The following ARHGAP4 variants were observed in gnomAD, a reference collection of about 807,000 sequenced individuals.
The protein encoded by ARHGAP4 is rho GTPase-activating protein 4.
A neutral mutation model predicts 67.6 loss-of-function variants in ARHGAP4; 25 were observed. The ratio of observed to expected loss-of-function variants is 0.37; its 90% CI spans 0.27 to 0.52. ARHGAP4 has a LOEUF of 0.52. ARHGAP4 is among the 20% of genes least tolerant of loss of function. The pLI, the probability that ARHGAP4 is intolerant of heterozygous loss-of-function variation, is 0.92. For missense variants in ARHGAP4, 804 were observed against 854.6 expected (o/e 0.94, Z 0.74); for synonymous variants, 448 against 373.7 (o/e 1.20, Z -2.29).
chrX:153,920,600 G>T, intron 5 of ARHGAP4, 26 bp downstream of exon 5: 1 of 1,178,905 alleles, frequency 8.5e-7, no homozygotes, highest in Non-Finnish European at 1.1e-6. Flanking sequence ...CCATAGGCCT[G>T]CGTCTGAGGT....
chrX:153,907,676 G>C lies in ARHGAP4; in HGVS notation c.*53C>G, dbSNP rs1204044082. 3.2e-6 allele frequency: 2 copies of C among 629,105 alleles called. No homozygotes were observed. The highest frequency in any genetic ancestry group is 4.5e-6 in the Non-Finnish European group (2 of 447,652). The allele number at this position is 629,105 out of a possible 1,213,427, so 51.8% of individuals were successfully genotyped here. ...GAGAGAAGCAAGGGGGCTGGGGAGA[G>C]TGGCCGGTCCAGCGGGTAGCCGCCG... On this transcript the variant is annotated 3_prime_UTR_variant, in exon 22 of 22. Coordinates refer to ENST00000350060, the MANE Select transcript of ARHGAP4 (RefSeq NM_001666.5).
Position 153,910,191 on chromosome X carries a change from C to T in ARHGAP4, c.2136G>A (p.Pro712=), listed in dbSNP as rs141995493. ...TGTACCCCAGGCAGCTGGCGGAAGGCGGTGCCATGCACTTCTCGTAGACGG... is the reference window on the plus strand; with the variant it reads ...TGTACCCCAGGCAGCTGGCGGAAGGTGGTGCCATGCACTTCTCGTAGACGG... ...PGPVYEKCMA[P]PSASCLGDAQ... The change falls in exon 17 of 22, where the codon CCG becomes CCA. Residue 712 remains proline (P), a synonymous_variant. Coordinates refer to ENST00000350060, the MANE Select transcript of ARHGAP4 (RefSeq NM_001666.5). The T allele has an allele frequency of 9.4e-5, 114 of 1,209,849 alleles. No individual in the cohort carries two copies. The highest frequency in any genetic ancestry group is 2.3e-4 in the Middle Eastern group (1 of 4,370).
Position 153,926,117 on chromosome X carries a change from G to C in ARHGAP4, c.67+19C>G. ...GTTCTCCGCAGGAAACGGGCCGGGA[G>C]CGCCCGGCGCCCTCTCACCTTTGAC... On this transcript the variant is annotated intron_variant, in intron 1 of 21. Coordinates refer to ENST00000350060, the MANE Select transcript of ARHGAP4 (RefSeq NM_001666.5). 1 of 1,202,633 alleles carries C rather than the reference G, an allele frequency of 8.3e-7. No homozygotes were observed. Among genetic ancestry groups the C allele is most frequent in the Admixed American group, 2.2e-5 (1 of 45,798 alleles).
intron 1 of ARHGAP4, 100 bp downstream of exon 1, chrX:153,926,036 A>G: frequency 1.8e-6 from 2 of 1,085,600 alleles, no homozygotes; most frequent in Non-Finnish European, 2.5e-6. Flanking sequence ...GTCGCTGGGG[A>G]GAGCATCGGG....
chrX:153,922,494 A>G (rs1424018743), intron 1 of ARHGAP4: 1 of 678,299 alleles, frequency 1.5e-6, no homozygotes, highest in Non-Finnish European at 1.7e-6. Flanking sequence ...CCCACCCTGC[A>G]GAGAGAGTCA....
chrX:153,910,492 C>T lies in ARHGAP4; in HGVS notation c.1922+14G>A. 4.2e-6 allele frequency: 5 copies of T among 1,199,727 alleles called. No individual in the cohort carries two copies. The highest frequency in any genetic ancestry group is 5.6e-6 in the Non-Finnish European group (5 of 889,134). On this transcript the variant is annotated intron_variant, in intron 16 of 21. Transcript: ENST00000350060. ...CCCTGGCCCCCACCCCAGCACTCGC[C>T]CCGCAGCACTCACTGGTTGAGGAAG...
chrX:153,910,456 G>A, intron 16 of ARHGAP4, 50 bp downstream of exon 16: 2 of 1,124,815 alleles, frequency 1.8e-6, no homozygotes, highest in Non-Finnish European at 2.4e-6. Flanking sequence ...GAGTCCCCCT[G>A]TCCCCTCGAC....
intron 1 of ARHGAP4, among the ~76,000 whole-genome samples, chrX:153,924,147 C>T (rs1445758836): frequency 8.9e-6 from 1 of 111,995 alleles, no homozygotes; most frequent in Non-Finnish European, 1.9e-5. Flanking sequence ...AACTGCTCGC[C>T]TCACTGGCCC....
In ARHGAP4 at chrX:153,919,303, C is replaced by T. The variant is rs994704930; in HGVS notation, c.682-20G>A. Reference sequence around the variant, plus strand: ...CTGCCGCTACTCAAGACAATGCAAGCGTGCCAGGGTCACGCACGTGGCCAG... The same window carrying T: ...CTGCCGCTACTCAAGACAATGCAAGTGTGCCAGGGTCACGCACGTGGCCAG... On this transcript the variant is annotated intron_variant, in intron 5 of 21. Transcript: ENST00000350060. 25 of 1,212,184 alleles carry T rather than the reference C, an allele frequency of 2.1e-5. No individual in the cohort carries two copies. Among genetic ancestry groups the T allele is most frequent in the Non-Finnish European group, 2.8e-5 (25 of 895,607 alleles).
chrX:153,907,932 TAAA>T lies in ARHGAP4; in HGVS notation c.2635_2637del (p.Phe879del). 9.1e-7 allele frequency: 1 copy of T among 1,094,461 alleles called. No individual in the cohort carries two copies. Among genetic ancestry groups the T allele is most frequent in the South Asian group, 2.5e-5 (1 of 39,433 alleles). The allele number at this position is 1,094,461 out of a possible 1,213,427, so 90.2% of individuals were successfully genotyped here. ...ACAGAGGTCTTTCCCAAGAGCTCCTTAAACACAGAGTCCATGTTCTGTGCCACA... is the reference window on the plus strand; with the variant it reads ...ACAGAGGTCTTTCCCAAGAGCTCCTTCACAGAGTCCATGTTCTGTGCCACA... On this transcript the variant is annotated inframe_deletion, in exon 22 of 22. Coordinates refer to ENST00000350060, the MANE Select transcript of ARHGAP4 (RefSeq NM_001666.5).
intron 9 of ARHGAP4, 48 bp downstream of exon 9, chrX:153,913,361 C>T: frequency 8.3e-6 from 10 of 1,207,138 alleles, no homozygotes; most frequent in South Asian, 1.8e-5. Context: ...CTCCCTCTGC[C>T]CCAGCAATGC....
intron 1 of ARHGAP4, chrX:153,922,240 A>G (rs936277239): frequency 2.4e-6 from 2 of 817,183 alleles, no homozygotes; most frequent in African/African-American, 4.4e-5. Flanking sequence ...TCCCTTGCAA[A>G]CACACGGATA....
chrX:153,922,216 G>C lies in ARHGAP4; in HGVS notation c.68-407C>G, dbSNP rs926085665. 214 of 837,538 alleles carry C rather than the reference G, an allele frequency of 2.6e-4. 1 individual carries two copies. The highest frequency in any genetic ancestry group is 6.8e-5 in the Non-Finnish European group (47 of 692,354). The allele number at this position is 837,538 out of a possible 1,213,427, so 69.0% of individuals were successfully genotyped here. A position where few individuals can be genotyped will look rare whatever the true frequency, so the allele number is the denominator to read the frequency against. On this transcript the variant is annotated intron_variant, in intron 1 of 21. Transcript: ENST00000350060. ...CCTTTCCCGCCGGTACCCAGGCTCC[G>C]GGAGGTGGCAGCCTCCCTTGCAAAC...
rs1193172413 is a variant in ARHGAP4 at position 153,919,310 on chromosome X, G to A, written c.682-27C>T. The A allele has an allele frequency of 2.5e-6, 3 of 1,210,682 alleles. No homozygotes were observed. The African/African-American group carries it at 5.2e-5, about 21-fold the overall frequency. Reference sequence around the variant, plus strand: ...TACTCAAGACAATGCAAGCGTGCCAGGGTCACGCACGTGGCCAGCCCCTAT... The same window carrying A: ...TACTCAAGACAATGCAAGCGTGCCAAGGTCACGCACGTGGCCAGCCCCTAT... On this transcript the variant is annotated intron_variant, in intron 5 of 21. Coordinates refer to ENST00000350060, the MANE Select transcript of ARHGAP4 (RefSeq NM_001666.5).
Position 153,913,240 on chromosome X carries a change from C to T in ARHGAP4, c.1389G>A (p.Lys463=). The part of the protein sequence containing the change: ...ILAKLQAKHE[K]LQEALQRGDK... ...CACCTCGCTGAAGGGCCTCCTGCAG[C>T]TTCTCGTGCTTGGCCTGCAGCTTGG... Residue 463 remains lysine (K), a synonymous_variant, in exon 10 of 22, where the codon AAG becomes AAA. Coordinates refer to ENST00000350060, the MANE Select transcript of ARHGAP4 (RefSeq NM_001666.5). 3 of 1,169,507 alleles carry T rather than the reference C, an allele frequency of 2.6e-6. No individual in the cohort carries two copies. Among genetic ancestry groups the T allele is most frequent in the Non-Finnish European group, 3.4e-6 (3 of 874,064 alleles).
chrX:153,925,165 T>G (rs2065118970), intron 1 of ARHGAP4, among the ~76,000 whole-genome samples: 1 of 112,198 alleles, frequency 8.9e-6, no homozygotes, highest in African/African-American at 3.2e-5. Context: ...TCACCCTGTG[T>G]AGTCACCTCA....
rs549186654 is a variant in ARHGAP4, at chrX:153,921,626, C to T, written c.251G>A (p.Ser84Asn). Residue 84 changes from serine to asparagine, a missense_variant, in exon 2 of 22, where the codon AGC becomes AAC. Around this residue, in one of 2 missense-constraint regions of ARHGAP4, gnomAD observed 404 missense variants for 505.9 expected, o/e 0.80. Coordinates refer to ENST00000350060, the MANE Select transcript of ARHGAP4 (RefSeq NM_001666.5). Reference protein sequence around the residue: ...FSSRGGRLGSSREHQSFRKEP... With the variant: ...FSSRGGRLGSNREHQSFRKEP... ...CTACCGGAAGCTTTGGTGCTCCCGGCTGCTCCCCAGGCGGCCTCCACGGCT... is the reference window on the plus strand; with the variant it reads ...CTACCGGAAGCTTTGGTGCTCCCGGTTGCTCCCCAGGCGGCCTCCACGGCT... The T allele has an allele frequency of 8.3e-7, 1 of 1,209,812 alleles. No homozygotes were observed. The highest frequency in any genetic ancestry group is 1.7e-5 in the African/African-American group (1 of 58,027).
At chrX:153,925,730 C>G in intron 1 of ARHGAP4, among the ~76,000 whole-genome samples, 1 of 112,009 alleles carries the variant, frequency 8.9e-6, no homozygotes, top group Middle Eastern at 4.6e-3. Context: ...GTGATCTCCA[C>G]CAATCCACTC....
At chrX:153,915,036 G>A (rs782687937) in intron 7 of ARHGAP4, among the ~76,000 whole-genome samples, 3 of 112,536 alleles carry the variant, frequency 2.7e-5, no homozygotes, top group Middle Eastern at 4.6e-3. Context: ...GCATGAAGGC[G>A]CAAGTCACAG....
Sources: gnomAD v4.1 joint callset for allele counts (sites outside exome capture counted in the v4.1 genomes callset) on GRCh38, gnomAD v4.1.1 for gene constraint, gnomAD v4.1.1 regional missense constraint, MANE v1.5 for transcripts, NCBI Gene and HGNC (gene_info 2026-07-23, HGNC 2026-07-21) for gene names.